TSEN15: variants seen among roughly 807,000 people sequenced by gnomAD.
The protein encoded by TSEN15 is tRNA-splicing endonuclease subunit Sen15.
A neutral mutation model predicts 20.5 loss-of-function variants in TSEN15; 10 were observed. The ratio of observed to expected loss-of-function variants is 0.49; its 90% CI spans 0.30 to 0.83. TSEN15 has a LOEUF of 0.83. TSEN15 is among the 40% of genes least tolerant of loss of function. TSEN15 has a pLI of 0.06. For synonymous variants in TSEN15, 72 were observed against 80.1 expected, an observed-to-expected ratio of 0.90 and a Z score of 0.54; for missense variants, 180 against 218.6, an observed-to-expected ratio of 0.82 and a Z score of 1.11.
At chr1:184,082,383 T>C (rs186811856) in intron 3 of TSEN15, among the ~76,000 whole-genome samples, 66 of 152,250 alleles carry the variant, frequency 4.3e-4, no homozygotes, top group Admixed American at 4.3e-3. Flanking sequence ...GTCCTCTCCA[T>C]CTAGATACAC....
chr1:184,085,780 G>A (rs910329559), intron 3 of TSEN15, among the ~76,000 whole-genome samples: 1 of 152,170 alleles, frequency 6.6e-6, no homozygotes, highest in African/African-American at 2.4e-5. Flanking sequence ...ACCACATTTT[G>A]AGTAGTAAGG....
intron 3 of TSEN15, among the ~76,000 whole-genome samples, chr1:184,060,909 G>A (rs1013296772): frequency 3.9e-5 from 6 of 152,136 alleles, no homozygotes; most frequent in African/African-American, 7.2e-5. Flanking sequence ...TAAGGCAAAC[G>A]TCTAGAACTC....
intron 3 of TSEN15, among the ~76,000 whole-genome samples, chr1:184,080,733 A>G (rs540665154): frequency 1.8e-4 from 28 of 152,316 alleles, no homozygotes; most frequent in Non-Finnish European, 4.4e-5. Context: ...GAACTCAGAA[A>G]GTTTCTCTGC....
intron 3 of TSEN15, among the ~76,000 whole-genome samples, chr1:184,063,253 A>G (rs946867367): frequency 5.9e-5 from 9 of 152,174 alleles, no homozygotes; most frequent in African/African-American, 2.2e-4. Flanking sequence ...TCTTCTTGGC[A>G]TCTGCATATT....
chr1:184,074,949 C>T (rs182978718), downstream of TSEN15, among the ~76,000 whole-genome samples: 5 of 152,062 alleles, frequency 3.3e-5, no homozygotes, highest in African/African-American at 9.6e-5. Flanking sequence ...GTCTAAGAAT[C>T]CTCAAACAGT....
chr1:184,079,785 C>T lies in TSEN15; in HGVS notation c.354-15905C>T, dbSNP rs143761928. Among the ~76,000 whole-genome samples the T allele has an allele frequency of 2.6e-3, 391 of 152,170 alleles. 1 individual carries two copies. Among genetic ancestry groups the T allele is most frequent in the Non-Finnish European group, 4.0e-3 (273 of 67,998 alleles). ...AATTTGAAGGGTACATAATGCAGTCCATATAAACTGGGCTCCTTCTCTGTG... is the reference window on the plus strand; with the variant it reads ...AATTTGAAGGGTACATAATGCAGTCTATATAAACTGGGCTCCTTCTCTGTG... On this transcript the variant is annotated intron_variant, in intron 3 of 3. Coordinates refer to the TSEN15 transcript ENST00000643231.
intron 3 of TSEN15, among the ~76,000 whole-genome samples, chr1:184,061,639 G>A (rs1476708929): frequency 6.6e-6 from 1 of 152,166 alleles, no homozygotes; most frequent in Non-Finnish European, 1.5e-5. Flanking sequence ...ATGTGGCAGA[G>A]TGGCATGTAT....
intron 3 of TSEN15, among the ~76,000 whole-genome samples, chr1:184,066,868 A>T (rs916420555): frequency 5.3e-5 from 8 of 152,224 alleles, no homozygotes; most frequent in Non-Finnish European, 1.5e-5. Context: ...GCACTTGTAG[A>T]TCACATTGAG....
rs531422323 is a variant in TSEN15 at position 184,068,102 on chromosome 1, T to G, written c.354-4055T>G. 2.8e-3 allele frequency among the ~76,000 whole-genome samples: 430 copies of G among 151,508 alleles called. 1 individual carries two copies. Among genetic ancestry groups the G allele is most frequent in the Non-Finnish European group, 5.4e-3 (366 of 67,854 alleles). ...TTAGTTGAATTTTTTTTCATTTATA[T>G]TCTCTCTGCCCTTTCACCCCTCTTT... On this transcript the variant is annotated intron_variant, in intron 3 of 4. Transcript: ENST00000645668.
At chr1:184,071,099 T>A (rs1650865339) in intron 3 of TSEN15, 1 of 152,226 alleles carries the variant, frequency 6.6e-6, no homozygotes, top group African/African-American at 2.4e-5. Context: ...TGCCATTTAA[T>A]TGATTCATAT....
downstream of TSEN15, among the ~76,000 whole-genome samples, chr1:184,074,700 C>A (rs1651024065): frequency 6.6e-6 from 1 of 152,052 alleles, no homozygotes; most frequent in Non-Finnish European, 1.5e-5. Flanking sequence ...GATTAGGAAA[C>A]AACAATAACA....
intron 1 of TSEN15, among the ~76,000 whole-genome samples, chr1:184,052,286 A>G (rs554476112): frequency 6.6e-6 from 1 of 152,286 alleles, no homozygotes; most frequent in African/African-American, 2.4e-5. Context: ...ATAGTGATAA[A>G]GATTTAAGCA....
intron 3 of TSEN15, among the ~76,000 whole-genome samples, chr1:184,057,678 G>A (rs1650297183): frequency 6.6e-6 from 1 of 152,062 alleles, no homozygotes; most frequent in African/African-American, 2.4e-5. Flanking sequence ...TTTTCATTGT[G>A]CATATTTCAT....
intron 3 of TSEN15, among the ~76,000 whole-genome samples, chr1:184,085,016 G>A (rs1198124819): frequency 6.6e-6 from 1 of 151,920 alleles, no homozygotes; most frequent in Non-Finnish European, 1.5e-5. Flanking sequence ...TCACTTTGGG[G>A]GATCCTTTAG....
At chr1:184,089,038 C>T (rs1473750116) in intron 3 of TSEN15, among the ~76,000 whole-genome samples, 1 of 152,222 alleles carries the variant, frequency 6.6e-6, no homozygotes, top group Non-Finnish European at 1.5e-5. Flanking sequence ...TGTTGTGAAG[C>T]TCCAGCAGAT....
At chr1:184,080,444 T>G (rs539954358) in intron 3 of TSEN15, among the ~76,000 whole-genome samples, 2 of 152,300 alleles carry the variant, frequency 1.3e-5, no homozygotes, top group South Asian at 4.1e-4. Flanking sequence ...GTTGCCTTTT[T>G]CTTGTATGAT....
intron 3 of TSEN15, among the ~76,000 whole-genome samples, chr1:184,067,013 CT>C (rs1317641510): frequency 5.9e-5 from 9 of 152,284 alleles, no homozygotes; most frequent in African/African-American, 2.2e-4. Context: ...AAATATTTAT[CT>C]TTTATGATGC....
chr1:184,092,063 G>T (rs1047817243), intron 3 of TSEN15, among the ~76,000 whole-genome samples: 3 of 152,212 alleles, frequency 2.0e-5, no homozygotes, highest in Non-Finnish European at 2.9e-5. Context: ...TCTGTTGCTG[G>T]TGATTATTTA....
intron 3 of TSEN15, among the ~76,000 whole-genome samples, chr1:184,069,492 A>G (rs1317506940): frequency 1.3e-5 from 2 of 152,144 alleles, no homozygotes; most frequent in Admixed American, 6.6e-5. Flanking sequence ...ATTTATACAT[A>G]TAAGGAAACA....
Sources: gnomAD v4.1 joint callset for allele counts (sites outside exome capture counted in the v4.1 genomes callset) on GRCh38, gnomAD v4.1.1 for gene constraint, MANE v1.5 for transcripts, NCBI Gene and HGNC (gene_info 2026-07-23, HGNC 2026-07-21) for gene names.